TGIF1: variants seen among roughly 807,000 people sequenced by gnomAD.
TGIF1 encodes the protein TGFB induced factor homeobox 1.
In TGIF1, 4 loss-of-function variants were observed where a neutral mutation model predicts 19.3. That is an observed-to-expected ratio of 0.21 (90% confidence interval 0.10 to 0.47). The LOEUF (loss-of-function observed/expected upper bound fraction) is 0.47, where lower values mean the gene tolerates loss of function less well. Ranked by LOEUF, TGIF1 falls within the 20% of genes least tolerant of loss-of-function variation. TGIF1 has a pLI of 0.98. For synonymous variants in TGIF1, 122 were observed against 129.3 expected (o/e 0.94, Z 0.38); for missense variants, 275 against 341.4 (o/e 0.81, Z 1.53).
chr18:3,434,646 C>T (rs148546448), intron 2 of TGIF1, among the ~76,000 whole-genome samples: 4 of 152,308 alleles, frequency 2.6e-5, no homozygotes, highest in African/African-American at 9.6e-5. Flanking sequence ...ACCCAAGAAG[C>T]GCAGGCTGCA....
intron 2 of TGIF1, among the ~76,000 whole-genome samples, chr18:3,444,460 C>T (rs535443553): frequency 1.6e-4 from 25 of 152,290 alleles, no homozygotes; most frequent in African/African-American, 5.5e-4. Context: ...TCCCACCCTC[C>T]TCACTCAAGT....
At chr18:3,448,754 G>C (rs2082805388), upstream of TGIF1, among the ~76,000 whole-genome samples, 1 of 135,700 alleles carries the variant, frequency 7.4e-6, no homozygotes, top group African/African-American at 3.2e-5. Context: ...AGGGTGGCAG[G>C]CTAGCTCTAG....
chr18:3,422,031 T>C (rs1282258709), intron 2 of TGIF1, among the ~76,000 whole-genome samples: 2 of 151,776 alleles, frequency 1.3e-5, no homozygotes, highest in East Asian at 3.9e-4. Flanking sequence ...CCGTCTCTAC[T>C]AAAAATACAA....
At chr18:3,455,520 T>C (rs1434957493) in intron 1 of TGIF1, 2 of 152,386 alleles carry the variant, frequency 1.3e-5, no homozygotes, top group Admixed American at 6.5e-5. Context: ...TAGTATTCTA[T>C]TCTAGGTTGA....
intron 2 of TGIF1, among the ~76,000 whole-genome samples, chr18:3,433,072 TC>T (rs1425304505): frequency 6.9e-6 from 1 of 145,136 alleles, no homozygotes; most frequent in African/African-American, 2.8e-5. Context: ...TTCTTCTTCT[TC>T]TTTTTTTTTT....
intron 1 of TGIF1, among the ~76,000 whole-genome samples, chr18:3,414,384 T>G (rs1462152746): frequency 6.6e-6 from 1 of 152,212 alleles, no homozygotes; most frequent in Non-Finnish European, 1.5e-5. Flanking sequence ...TACTGCACCT[T>G]ATTATAGCAT....
chr18:3,421,682 G>A (rs1033824925), intron 2 of TGIF1, among the ~76,000 whole-genome samples: 4 of 151,808 alleles, frequency 2.6e-5, no homozygotes, highest in African/African-American at 9.7e-5. Flanking sequence ...AAAGTGTTGG[G>A]ATTACAGGCG....
At position 3,452,482 on chromosome 18, in the gene TGIF1, C is replaced by T. The variant is rs1333474380; in HGVS notation, c.16+1977C>T. ...GGTTTCTTTCCCCTTTTAGGTTTCCCTGGCGAGTCGTCTGGGGTGGGCAGG... is the reference window on the plus strand; with the variant it reads ...GGTTTCTTTCCCCTTTTAGGTTTCCTTGGCGAGTCGTCTGGGGTGGGCAGG... On this transcript the variant is annotated intron_variant, in intron 1 of 2. Coordinates refer to ENST00000343820, the MANE Select transcript of TGIF1 (RefSeq NM_003244.4). 9 of 1,558,982 alleles carry T rather than the reference C, an allele frequency of 5.8e-6. No homozygotes were observed. The East Asian group carries it at 9.5e-5, about 16-fold the overall frequency.
At chr18:3,429,392 G>A (rs1053445284) in intron 2 of TGIF1, among the ~76,000 whole-genome samples, 1 of 151,982 alleles carries the variant, frequency 6.6e-6, no homozygotes, top group Non-Finnish European at 1.5e-5. Flanking sequence ...GCAAACTACT[G>A]CTAGTTGGAC....
At chr18:3,430,777 G>C (rs1230151147) in intron 2 of TGIF1, among the ~76,000 whole-genome samples, 1 of 151,134 alleles carries the variant, frequency 6.6e-6, no homozygotes, top group Non-Finnish European at 1.5e-5. Context: ...CTCCCAAAAT[G>C]CTGGGATTAT....
At position 3,457,411 on chromosome 18, in the gene TGIF1, T is replaced by C; in HGVS notation, c.290T>C (p.Met97Thr). The change falls in exon 3 of 3, where the codon ATG becomes ACG. Residue 97 changes from methionine (M) to threonine (T), a missense_variant. Coordinates refer to ENST00000343820, the MANE Select transcript of TGIF1 (RefSeq NM_003244.4). This position sits in a 1 kb window ranked among gnomAD's most constrained non-coding sequence, Gnocchi z 4.9. ...GCCCGCCGCAGGCTCCTCCCTGACA[T>C]GCTGAGAAAGGATGGCAAAGATCCA... ...INARRRLLPDMLRKDGKDPNQ... is the reference protein window; with the variant it reads ...INARRRLLPDTLRKDGKDPNQ... 1 of 1,614,220 alleles carries C rather than the reference T, an allele frequency of 6.2e-7. No homozygotes were observed. The highest frequency in any genetic ancestry group is 8.5e-7 in the Non-Finnish European group (1 of 1,180,046).
intron 2 of TGIF1, among the ~76,000 whole-genome samples, chr18:3,438,563 C>G (rs1454884681): frequency 1.5e-5 from 2 of 136,906 alleles, no homozygotes; most frequent in South Asian, 4.5e-4. Flanking sequence ...GACTTCACCC[C>G]CCATCTTCCA....
chr18:3,446,863 G>C (rs1340520425), upstream of TGIF1, among the ~76,000 whole-genome samples: 3 of 152,166 alleles, frequency 2.0e-5, no homozygotes, highest in African/African-American at 4.8e-5. Context: ...GGAAGTGAAA[G>C]AGATCCAATG....
Position 3,450,295 on chromosome 18 carries a change from C to T in TGIF1, c.-195C>T. ...CCAGAAGATCCCGGCGGGAGGAAGC[C>T]CAAGTGTCACTTGAATTCCACCCAA... On this transcript the variant is annotated 5_prime_UTR_variant, in exon 1 of 3. Transcript: ENST00000343820. 1 of 1,444,154 alleles carries T rather than the reference C, an allele frequency of 6.9e-7. No homozygotes were observed. The highest frequency in any genetic ancestry group is 1.5e-5 in the South Asian group (1 of 67,348). 89.5% of individuals were successfully genotyped at this position (1,444,154 alleles called of 1,614,324 possible).
chr18:3,449,103 C>A (rs2082815755), upstream of TGIF1, among the ~76,000 whole-genome samples: 1 of 152,190 alleles, frequency 6.6e-6, no homozygotes, highest in African/African-American at 2.4e-5. Flanking sequence ...CAAACAGCAT[C>A]TGGTCTTTGA....
chr18:3,448,526 C>T (rs1058739), upstream of TGIF1: 13 of 989,088 alleles, frequency 1.3e-5, no homozygotes, highest in African/African-American at 1.4e-4. Flanking sequence ...CGCGCTCCCC[C>T]CGAGCCGTTT....
chr18:3,452,954 G>A (rs926306261), intron 1 of TGIF1, among the ~76,000 whole-genome samples: 3 of 152,198 alleles, frequency 2.0e-5, no homozygotes, highest in Non-Finnish European at 2.9e-5. Context: ...GGATCGATAA[G>A]GAAAATCCAC....
At chr18:3,434,063 C>T (rs1415205255) in intron 2 of TGIF1, among the ~76,000 whole-genome samples, 1 of 152,154 alleles carries the variant, frequency 6.6e-6, no homozygotes, top group Non-Finnish European at 1.5e-5. Context: ...CTTGTACCAT[C>T]TTGCCAGTCG....
intron 2 of TGIF1, among the ~76,000 whole-genome samples, chr18:3,432,638 A>T (rs2082563494): frequency 6.6e-6 from 1 of 152,238 alleles, no homozygotes; most frequent in South Asian, 2.1e-4. Context: ...ATGGGAAACG[A>T]TTATATGTAG....
Sources: gnomAD v4.1 joint callset for allele counts (sites outside exome capture counted in the v4.1 genomes callset) on GRCh38, gnomAD v4.1.1 for gene constraint, Gnocchi (gnomAD v3.1) non-coding constraint, MANE v1.5 for transcripts, NCBI Gene and HGNC (gene_info 2026-07-23, HGNC 2026-07-21) for gene names.